NCALD: variants seen among roughly 807,000 people sequenced by gnomAD.
NCALD encodes neurocalcin-delta.
A neutral mutation model predicts 18.6 loss-of-function variants in NCALD; 10 were observed. The observed-to-expected ratio is 0.54, with a 90% CI of 0.33 to 0.91. The LOEUF (loss-of-function observed/expected upper bound fraction) is 0.91. Among genes scored for constraint, NCALD ranks in the 40% least tolerant of loss-of-function variants. The pLI is 0.03. For missense variants in NCALD, 184 were observed against 247.6 expected, an observed-to-expected ratio of 0.74 and a Z score of 1.72; for synonymous variants, 88 against 87.4, an observed-to-expected ratio of 1.01 and a Z score of -0.04.
chr8:101,899,184 A>C (rs1817324883), intron 3 of NCALD, among the ~76,000 whole-genome samples: 1 of 152,022 alleles, frequency 6.6e-6, no homozygotes, highest in Non-Finnish European at 1.5e-5. Flanking sequence ...TTTTATATTC[A>C]TGTGTACATT....
intron 1 of NCALD, among the ~76,000 whole-genome samples, chr8:101,721,032 T>C (rs902582260): frequency 1.3e-5 from 2 of 152,162 alleles, no homozygotes; most frequent in African/African-American, 2.4e-5. Context: ...ATGGGTGCTC[T>C]CAGGGAAGCT....
intron 4 of NCALD, among the ~76,000 whole-genome samples, chr8:101,878,050 G>C (rs531767834): frequency 3.3e-5 from 5 of 152,302 alleles, no homozygotes; most frequent in African/African-American, 1.2e-4. Flanking sequence ...GGCACATGCT[G>C]TATGTCCCAG....
chr8:101,974,910 T>C (rs1355589076), intron 2 of NCALD, among the ~76,000 whole-genome samples: 2 of 152,170 alleles, frequency 1.3e-5, no homozygotes, highest in Non-Finnish European at 2.9e-5. Flanking sequence ...GCCCCATCTA[T>C]GTAAGCACTA....
At chr8:102,055,043 C>T (rs1465092773) in intron 1 of NCALD, among the ~76,000 whole-genome samples, 1 of 151,698 alleles carries the variant, frequency 6.6e-6, no homozygotes, top group Non-Finnish European at 1.5e-5. Context: ...CTGTGAGGAG[C>T]AATCTGTCAA....
In NCALD at chr8:101,959,544, C is replaced by A. The variant is rs192997223; in HGVS notation, c.-156-43686G>T. 4.4e-3 allele frequency among the ~76,000 whole-genome samples: 663 copies of A among 152,254 alleles called. 5 individuals are homozygous for A. The highest frequency in any genetic ancestry group is 0.015 in the African/African-American group (611 of 41,556). On this transcript the variant is annotated intron_variant, in intron 2 of 6. Transcript: ENST00000311028. ...TAATTTATTTATATTACTGTGAACT[C>A]AGATTCCTGTCTCATTCACTGAGTT... is the stretch of plus-strand genomic sequence containing the variant.
chr8:102,103,110 G>C (rs545206495), intron 1 of NCALD, among the ~76,000 whole-genome samples: 1 of 152,168 alleles, frequency 6.6e-6, no homozygotes, highest in South Asian at 2.1e-4. Flanking sequence ...GAGACTCTGT[G>C]GAAAATACAG....
chr8:101,995,932 A>G (rs551507710), intron 2 of NCALD, among the ~76,000 whole-genome samples: 3 of 152,282 alleles, frequency 2.0e-5, no homozygotes, highest in South Asian at 2.1e-4. Flanking sequence ...CAAACTCTAT[A>G]GATATTCTTC....
intron 1 of NCALD, among the ~76,000 whole-genome samples, chr8:102,105,440 C>T (rs1217127056): frequency 6.6e-6 from 1 of 152,150 alleles, no homozygotes; most frequent in Non-Finnish European, 1.5e-5. Flanking sequence ...TTTTGCTGCC[C>T]GGGCTCCAAC....
intron 3 of NCALD, among the ~76,000 whole-genome samples, chr8:101,906,799 C>T (rs544849198): frequency 6.6e-6 from 1 of 152,166 alleles, no homozygotes; most frequent in East Asian, 1.9e-4. Flanking sequence ...GTGGACATCA[C>T]CCCAGAGCAA....
At chr8:102,016,614 C>A (rs968370803) in intron 2 of NCALD, among the ~76,000 whole-genome samples, 3 of 152,116 alleles carry the variant, frequency 2.0e-5, no homozygotes, top group Non-Finnish European at 4.4e-5. Flanking sequence ...GTAACTATGG[C>A]AATCACAAAT....
intron 1 of NCALD, among the ~76,000 whole-genome samples, chr8:102,036,949 G>A (rs1475979586): frequency 6.6e-6 from 1 of 152,006 alleles, no homozygotes; most frequent in Non-Finnish European, 1.5e-5. Context: ...TGATCCAGAG[G>A]CTTTATTTCC....
At chr8:101,881,964 G>A (rs1022579288) in intron 4 of NCALD, among the ~76,000 whole-genome samples, 3 of 152,158 alleles carry the variant, frequency 2.0e-5, no homozygotes, top group Non-Finnish European at 2.9e-5. Context: ...TGATTAAGAT[G>A]CACTAAAGCA....
chr8:101,831,453 T>A (rs1394913899), intron 4 of NCALD, among the ~76,000 whole-genome samples: 1 of 152,210 alleles, frequency 6.6e-6, no homozygotes, highest in Non-Finnish European at 1.5e-5. Flanking sequence ...TGAATCAGAA[T>A]TGTAATAGTC....
At chr8:101,914,712 C>T (rs577379554) in intron 3 of NCALD, among the ~76,000 whole-genome samples, 6 of 152,244 alleles carry the variant, frequency 3.9e-5, no homozygotes, top group South Asian at 2.1e-4. Flanking sequence ...AAAGTACTTT[C>T]GATTGGGTCC....
chr8:101,700,875 G>A (rs1165815670), intron 2 of NCALD, among the ~76,000 whole-genome samples: 3 of 152,198 alleles, frequency 2.0e-5, no homozygotes, highest in Admixed American at 1.3e-4. Flanking sequence ...GTGAACATAT[G>A]TGCAAGCAGG....
intron 2 of NCALD, among the ~76,000 whole-genome samples, chr8:101,972,893 AAC>A (rs1259589336): frequency 5.3e-5 from 8 of 152,160 alleles, no homozygotes; most frequent in Non-Finnish European, 1.0e-4. Flanking sequence ...ATCGGCTCAC[AAC>A]AAACAGTTTG....
intron 1 of NCALD, among the ~76,000 whole-genome samples, chr8:102,028,152 T>G (rs1194426146): frequency 6.6e-6 from 1 of 152,224 alleles, no homozygotes; most frequent in African/African-American, 2.4e-5. Context: ...TGTAGAAGTA[T>G]TCAAGGGTGA....
intron 4 of NCALD, among the ~76,000 whole-genome samples, chr8:101,828,985 A>G (rs1373054568): frequency 6.6e-6 from 1 of 152,020 alleles, no homozygotes; most frequent in Non-Finnish European, 1.5e-5. Context: ...GGGTAGGTGA[A>G]TGAATGAATG....
chr8:101,848,669 T>C (rs894105123), intron 4 of NCALD, among the ~76,000 whole-genome samples: 1 of 152,178 alleles, frequency 6.6e-6, no homozygotes, highest in Non-Finnish European at 1.5e-5. Flanking sequence ...CTCAGTGCCT[T>C]CTCTGTTTTC....
Sources: gnomAD v4.1 joint callset for allele counts (sites outside exome capture counted in the v4.1 genomes callset) on GRCh38, gnomAD v4.1.1 for gene constraint, MANE v1.5 for transcripts, NCBI Gene and HGNC (gene_info 2026-07-23, HGNC 2026-07-21) for gene names.